SCFD2: variants seen among roughly 807,000 people sequenced by gnomAD.
SCFD2 encodes sec1 family domain-containing protein 2.
In SCFD2, 54 loss-of-function variants were observed where a neutral mutation model predicts 58.9. The ratio of observed to expected loss-of-function variants is 0.92; its 90% CI spans 0.74 to 1.15. The LOEUF is 1.15. Among genes scored for constraint, SCFD2 ranks in the 50% most tolerant of loss-of-function variants. The pLI is 0.00. For missense variants in SCFD2, 805 were observed against 836.6 expected (o/e 0.96, Z 0.47); for synonymous variants, 321 against 335.9 (o/e 0.96, Z 0.49).
intron 5 of SCFD2, among the ~76,000 whole-genome samples, chr4:53,063,705 G>C (rs1723578211): frequency 6.6e-6 from 1 of 152,016 alleles, no homozygotes. Flanking sequence ...AACTGAATAA[G>C]CTTCACTGTT....
chr4:53,331,682 AAG>A (rs1466210329), intron 2 of SCFD2, among the ~76,000 whole-genome samples: 1 of 152,220 alleles, frequency 6.6e-6, no homozygotes, highest in Non-Finnish European at 1.5e-5. Context: ...TCACAATTAA[AAG>A]AACTAGAGAA....
chr4:52,907,708 A>G (rs111232729), intron 6 of SCFD2, 117 bp from the exon 7 acceptor site: 199 of 685,076 alleles, frequency 2.9e-4, no homozygotes, highest in East Asian at 4.1e-4. Flanking sequence ...CAATGCCTAT[A>G]TGTGTGTGTG....
rs534572423 is a variant in SCFD2 at position 53,248,937 on chromosome 4, G to A, written c.1311+24889C>T. Among the ~76,000 whole-genome samples, 17 of 152,290 alleles carry A rather than the reference G, an allele frequency of 1.1e-4. No individual in the cohort carries two copies. The South Asian group carries it at 2.3e-3, about 20-fold the overall frequency. On this transcript the variant is annotated intron_variant, in intron 4 of 8. Coordinates refer to ENST00000401642, the MANE Select transcript of SCFD2 (RefSeq NM_152540.4). Reference sequence around the variant, plus strand: ...AGGAACGCAGTTCCTCACCAGCAACGGAACAAAGCTGGACGGAGAATGACT... The same window carrying A: ...AGGAACGCAGTTCCTCACCAGCAACAGAACAAAGCTGGACGGAGAATGACT...
At position 53,365,991 on chromosome 4, in the gene SCFD2, G is replaced by C. The variant is rs751613872; in HGVS notation, c.-50C>G. ...AACTACGGTGCAGGAACTTCTTTCA[G>C]AACTCACCGCTTCCGGAAATTGGGC... On this transcript the variant is annotated 5_prime_UTR_variant, in exon 1 of 9. Coordinates refer to ENST00000401642, the MANE Select transcript of SCFD2 (RefSeq NM_152540.4). The surrounding 1 kb of genome is among the most constrained non-coding windows in gnomAD (Gnocchi z 4.3). 6.7e-7 allele frequency: 1 copy of C among 1,499,954 alleles called. No individual in the cohort carries two copies. 92.9% of individuals were successfully genotyped at this position (1,499,954 alleles called of 1,614,324 possible).
chr4:53,229,942 C>G (rs1429600158), intron 4 of SCFD2, among the ~76,000 whole-genome samples: 1 of 152,036 alleles, frequency 6.6e-6, no homozygotes, highest in African/African-American at 2.4e-5. Context: ...ACAAACAACC[C>G]CATCAAAAAG....
chr4:53,084,818 G>T (rs1298681668), intron 5 of SCFD2, among the ~76,000 whole-genome samples: 3 of 152,124 alleles, frequency 2.0e-5, no homozygotes, highest in African/African-American at 7.2e-5. Context: ...TGCTGAAAAA[G>T]CATTTGATAA....
Position 53,175,413 on chromosome 4 carries a change from A to C in SCFD2, c.1312-29831T>G, listed in dbSNP as rs367913657. Among the ~76,000 whole-genome samples, 12 of 152,324 alleles carry C rather than the reference A, an allele frequency of 7.9e-5. No homozygotes were observed. In the South Asian group the frequency reaches 1.2e-3, roughly 16 times the overall value. ...ATTTAAAATTTTATTTGTACATGGA[A>C]CGAGGCTAAAAATTATTTTAATCTG... On this transcript the variant is annotated intron_variant, in intron 4 of 8. Transcript: ENST00000401642.
At chr4:53,039,892 T>G (rs1470202598) in intron 5 of SCFD2, among the ~76,000 whole-genome samples, 1 of 152,212 alleles carries the variant, frequency 6.6e-6, no homozygotes, top group African/African-American at 2.4e-5. Context: ...CCTGCCTCTA[T>G]GCTGACTTCA....
chr4:53,159,332 T>C (rs1204197371), intron 4 of SCFD2, among the ~76,000 whole-genome samples: 2 of 152,200 alleles, frequency 1.3e-5, no homozygotes, highest in East Asian at 1.9e-4. Flanking sequence ...TGGTGAATGT[T>C]TGAGCTGGAA....
intron 3 of SCFD2, among the ~76,000 whole-genome samples, chr4:53,286,976 G>A (rs1255698411): frequency 3.3e-5 from 5 of 152,090 alleles, no homozygotes; most frequent in Non-Finnish European, 2.9e-5. Flanking sequence ...GTTGGCTCTG[G>A]AATCCAAATT....
intron 5 of SCFD2, among the ~76,000 whole-genome samples, chr4:53,126,756 T>C (rs1725640924): frequency 6.6e-6 from 1 of 152,168 alleles, no homozygotes; most frequent in South Asian, 2.1e-4. Flanking sequence ...GAGCCACACC[T>C]GCAGGGAAAG....
At chr4:53,184,602 C>T (rs1310839182) in intron 4 of SCFD2, among the ~76,000 whole-genome samples, 1 of 152,026 alleles carries the variant, frequency 6.6e-6, no homozygotes, top group Non-Finnish European at 1.5e-5. Flanking sequence ...ATTAGAAAAG[C>T]ATAAGATATA....
chr4:53,330,947 T>G (rs1023758527), intron 2 of SCFD2, among the ~76,000 whole-genome samples: 2 of 151,596 alleles, frequency 1.3e-5, no homozygotes, highest in Non-Finnish European at 3.0e-5. Flanking sequence ...GTTGCAATCT[T>G]AGTCTCTGAT....
At chr4:53,196,793 T>G (rs2148963041) in intron 4 of SCFD2, among the ~76,000 whole-genome samples, 1 of 151,954 alleles carries the variant, frequency 6.6e-6, no homozygotes, top group East Asian at 1.9e-4. Context: ...AAAAAAAGTC[T>G]AAATCATGCC....
chr4:53,047,324 G>A (rs766672654), intron 5 of SCFD2, among the ~76,000 whole-genome samples: 8 of 152,044 alleles, frequency 5.3e-5, no homozygotes, highest in African/African-American at 1.7e-4. Flanking sequence ...GGCATGTGCC[G>A]TAGTCCCCAG....
At chr4:53,310,998 A>G (rs536371075) in intron 3 of SCFD2, among the ~76,000 whole-genome samples, 1 of 152,326 alleles carries the variant, frequency 6.6e-6, no homozygotes, top group East Asian at 1.9e-4. Flanking sequence ...TTTAAAATAT[A>G]TGTTATAGTT....
intron 4 of SCFD2, among the ~76,000 whole-genome samples, chr4:53,190,099 T>C (rs1394418516): frequency 6.6e-6 from 1 of 152,198 alleles, no homozygotes; most frequent in African/African-American, 2.4e-5. Context: ...TTCCAATATT[T>C]AACTGATCTG....
intron 5 of SCFD2, among the ~76,000 whole-genome samples, chr4:52,990,944 C>T (rs1007950360): frequency 6.6e-6 from 1 of 152,178 alleles, no homozygotes; most frequent in African/African-American, 2.4e-5. Flanking sequence ...TGGACTGACC[C>T]ACCTGGATGT....
chr4:53,195,496 T>C (rs1339860879), intron 4 of SCFD2, among the ~76,000 whole-genome samples: 1 of 152,158 alleles, frequency 6.6e-6, no homozygotes, highest in Non-Finnish European at 1.5e-5. Context: ...CACTGAGATA[T>C]TAACCCCACA....
Sources: allele counts gnomAD v4.1 joint callset (sites outside exome capture counted in the v4.1 genomes callset), GRCh38; gene constraint gnomAD v4.1.1; non-coding constraint Gnocchi (gnomAD v3.1); transcripts MANE v1.5; gene names NCBI Gene and HGNC (gene_info 2026-07-23, HGNC 2026-07-21).